The following FNBP1L variants were observed in gnomAD, a reference collection of about 807,000 sequenced individuals.
FNBP1L encodes the protein formin binding protein 1 like, also known as formin-binding protein 1-like.
Under a neutral mutation model 91.2 loss-of-function variants are expected in FNBP1L, and 36 were observed. That is an observed-to-expected ratio of 0.39 (90% CI 0.30 to 0.52). FNBP1L has a LOEUF of 0.52. FNBP1L is among the 20% of genes least tolerant of loss of function. The pLI, the probability that FNBP1L is intolerant of heterozygous loss-of-function variation, is 0.66. For synonymous variants in FNBP1L, 242 were observed against 237.0 expected, an observed-to-expected ratio of 1.02 and a Z score of -0.19; for missense variants, 571 against 732.1, an observed-to-expected ratio of 0.78 and a Z score of 2.54.
At chr1:93,527,777 A>C (rs1268205574) in intron 5 of FNBP1L, among the ~76,000 whole-genome samples, 5 of 152,270 alleles carry the variant, frequency 3.3e-5, no homozygotes, top group Non-Finnish European at 5.9e-5. Flanking sequence ...TAATGTGCAC[A>C]TGAGGGACCA....
At chr1:93,513,244 C>G (rs1312113397) in intron 2 of FNBP1L, among the ~76,000 whole-genome samples, 2 of 151,310 alleles carry the variant, frequency 1.3e-5, no homozygotes, top group African/African-American at 4.9e-5. Flanking sequence ...CTGAATAGAC[C>G]AATAACAGGA....
rs745453665 is a variant in FNBP1L at position 93,547,332 on chromosome 1, A to AT, written c.1408-7dup. 60 of 1,543,136 alleles carry AT rather than the reference A, an allele frequency of 3.9e-5. No homozygotes were observed. Among genetic ancestry groups the AT allele is most frequent in the Non-Finnish European group, 4.7e-5 (54 of 1,139,366 alleles). ...ATTTATTGAGCTCAGTTGTTTGCTT[A>AT]TTTTTTTTCCTAAGGCTTGGCTCTC... On this transcript the variant is annotated splice_polypyrimidine_tract_variant and intron_variant, in intron 13 of 16. Transcript: ENST00000271234.
At chr1:93,465,445 C>T (rs1324243749) in intron 1 of FNBP1L, among the ~76,000 whole-genome samples, 1 of 151,314 alleles carries the variant, frequency 6.6e-6, no homozygotes, top group Non-Finnish European at 1.5e-5. Context: ...TGAGTGAGAA[C>T]ATGTGGTGTT....
rs1230234551 is a variant in FNBP1L at position 93,530,819 on chromosome 1, A to G, written c.575A>G (p.Gln192Arg). 6.4e-7 allele frequency: 1 copy of G among 1,571,374 alleles called. No individual in the cohort carries two copies. The highest frequency in any genetic ancestry group is 8.6e-7 in the Non-Finnish European group (1 of 1,156,264). The change falls in exon 7 of 17, where the codon CAA becomes CGA. Residue 192 changes from glutamine (Q) to arginine (R), a missense_variant. By Grantham distance (43) the Gln-to-Arg change is conservative. Transcript: ENST00000271234. ...ADENKNEYAA[Q>R]LQNFNGEQHK... The stretch of plus-strand genomic sequence containing the variant: ...GAAAATAAAAATGAATATGCTGCAC[A>G]ATTACAAAACTTTAATGGAGAACAA...
At chr1:93,537,814 T>G (rs1671895676) in intron 10 of FNBP1L, among the ~76,000 whole-genome samples, 1 of 152,134 alleles carries the variant, frequency 6.6e-6, no homozygotes, top group Admixed American at 6.6e-5. Context: ...TAGAACTCAT[T>G]CCCATGTTGC....
At position 93,530,646 on chromosome 1, in the gene FNBP1L, G is replaced by A. The variant is rs901102567; in HGVS notation, c.511-109G>A. 1.5e-5 allele frequency: 17 copies of A among 1,130,430 alleles called. No individual in the cohort carries two copies. In the Admixed American group the frequency reaches 3.6e-4, roughly 24 times the overall value. 70.0% of individuals were successfully genotyped at this position (1,130,430 alleles called of 1,614,324 possible). A position where few individuals can be genotyped will look rare whatever the true frequency, so the allele number is the denominator to read the frequency against. ...TATGCCACGTCATTATTCTTTTGAT[G>A]TCAGGTGTTGGCTTCTTCATTGATA... On this transcript the variant is annotated intron_variant, in intron 6 of 16. Coordinates refer to ENST00000271234, the MANE Select transcript of FNBP1L (RefSeq NM_001164473.3).
intron 2 of FNBP1L, among the ~76,000 whole-genome samples, chr1:93,511,443 C>T (rs1324873588): frequency 6.6e-6 from 1 of 152,146 alleles, no homozygotes; most frequent in Non-Finnish European, 1.5e-5. Context: ...CCTAAAAGAG[C>T]TCCTGAAGGA....
chr1:93,515,673 C>G (rs1340851050), intron 2 of FNBP1L, among the ~76,000 whole-genome samples: 1 of 149,306 alleles, frequency 6.7e-6, no homozygotes, highest in South Asian at 2.1e-4. Context: ...GCACAAAAAA[C>G]CAAACACCGC....
intron 5 of FNBP1L, among the ~76,000 whole-genome samples, chr1:93,527,848 AAAAC>A (rs759909765): frequency 2.6e-5 from 4 of 152,184 alleles, no homozygotes; most frequent in Admixed American, 6.5e-5. Context: ...TTAAAATGCA[AAAAC>A]AAACAAGGAA....
intron 1 of FNBP1L, among the ~76,000 whole-genome samples, chr1:93,453,448 A>G (rs1041393091): frequency 6.6e-6 from 1 of 152,094 alleles, no homozygotes; most frequent in Non-Finnish European, 1.5e-5. Context: ...CCCCCACCCT[A>G]TAAACCTATA....
intron 1 of FNBP1L, among the ~76,000 whole-genome samples, chr1:93,492,924 T>TAA (rs1374174898): frequency 2.0e-5 from 3 of 152,196 alleles, no homozygotes; most frequent in Admixed American, 6.5e-5. Flanking sequence ...ACAATGTTTA[T>TAA]TAACAAAGAA....
chr1:93,509,657 C>T (rs1004655184), intron 2 of FNBP1L, among the ~76,000 whole-genome samples: 2 of 152,184 alleles, frequency 1.3e-5, no homozygotes, highest in African/African-American at 4.8e-5. Context: ...CCAGCGTGAG[C>T]GACGCAGAAG....
At position 93,524,259 on chromosome 1, in the gene FNBP1L, A is replaced by G. The variant is rs1249711827; in HGVS notation, c.343-2A>G. 1.3e-6 allele frequency: 2 copies of G among 1,485,586 alleles called. No individual in the cohort carries two copies. Among genetic ancestry groups the G allele is most frequent in the Admixed American group, 2.4e-5 (1 of 41,748 alleles). The allele number at this position is 1,485,586 out of a possible 1,614,324, so 92.0% of individuals were successfully genotyped here. A position where few individuals can be genotyped will look rare whatever the true frequency, so the allele number is the denominator to read the frequency against. The stretch of plus-strand genomic sequence containing the variant: ...TTTTTTGGCCGTGGTTATAATCTTC[A>G]GCATCTGCAAGAAGGACGAAAAGCT... On this transcript the variant is annotated splice_acceptor_variant, in intron 4 of 16. Transcript: ENST00000271234. LOFTEE classifies it high-confidence loss of function.
intron 1 of FNBP1L, among the ~76,000 whole-genome samples, chr1:93,483,030 AAAAC>A (rs1557784820): frequency 3.0e-4 from 45 of 148,546 alleles, no homozygotes; most frequent in Middle Eastern, 3.7e-3. Flanking sequence ...AAAAACAAAA[AAAAC>A]AAAAAACAAA....
chr1:93,537,125 T>G (rs1671875482), intron 10 of FNBP1L, among the ~76,000 whole-genome samples: 1 of 152,084 alleles, frequency 6.6e-6, no homozygotes, highest in Admixed American at 6.6e-5. Flanking sequence ...AATAAATACA[T>G]TAGTGTTACT....
chr1:93,487,198 T>G (rs957025442), intron 1 of FNBP1L, among the ~76,000 whole-genome samples: 4 of 152,228 alleles, frequency 2.6e-5, no homozygotes, highest in Non-Finnish European at 5.9e-5. Flanking sequence ...AATAATACAT[T>G]ATTCATTTGG....
At chr1:93,450,609 A>G (rs1349912941) in intron 1 of FNBP1L, among the ~76,000 whole-genome samples, 3 of 152,204 alleles carry the variant, frequency 2.0e-5, no homozygotes, top group East Asian at 1.9e-4. Flanking sequence ...AATGGATTGT[A>G]ATGTAATACA....
At chr1:93,517,902 A>G (rs1279938001) in intron 2 of FNBP1L, among the ~76,000 whole-genome samples, 6 of 152,212 alleles carry the variant, frequency 3.9e-5, no homozygotes, top group African/African-American at 1.4e-4. Flanking sequence ...ACTGTGGGCA[A>G]GTCACTTAAT....
At position 93,448,186 on chromosome 1, in the gene FNBP1L, T is replaced by A. The variant is rs1668332516; in HGVS notation, c.-96T>A. ...ACCTTTCGAGGTAGACCCGCTGAGC[T>A]GCTAGCCCGCCGGCCAGCGAGTGAG... On this transcript the variant is annotated 5_prime_UTR_variant, in exon 1 of 17. Coordinates refer to ENST00000271234, the MANE Select transcript of FNBP1L (RefSeq NM_001164473.3). 1.4e-6 allele frequency: 2 copies of A among 1,468,184 alleles called. No homozygotes were observed. The highest frequency in any genetic ancestry group is 1.8e-6 in the Non-Finnish European group (2 of 1,091,374). The allele number at this position is 1,468,184 out of a possible 1,614,324, so 90.9% of individuals were successfully genotyped here.
Sources: gnomAD v4.1 joint callset for allele counts (sites outside exome capture counted in the v4.1 genomes callset) on GRCh38, gnomAD v4.1.1 for gene constraint, MANE v1.5 for transcripts, NCBI Gene and HGNC (gene_info 2026-07-23, HGNC 2026-07-21) for gene names.